Variants in ZNF865 observed in about 807,000 individuals in gnomAD.
ZNF865 encodes the protein zinc finger protein 865.
For synonymous variants in ZNF865, 763 were observed against 750.8 expected (o/e 1.02, Z -0.27); for missense variants, 1,311 against 1,593.4 (o/e 0.82, Z 3.02).
intron 1 of ZNF865, among the ~76,000 whole-genome samples, chr19:55,606,232 C>T (rs1356219193): frequency 6.6e-6 from 1 of 152,178 alleles, no homozygotes; most frequent in African/African-American, 2.4e-5. Context: ...GACCACCTCC[C>T]TCCCCAGCAG....
At chr19:55,608,830 A>G (rs560155791) in intron 1 of ZNF865, among the ~76,000 whole-genome samples, 6 of 152,280 alleles carry the variant, frequency 3.9e-5, no homozygotes, top group African/African-American at 7.2e-5. Context: ...TCAAGCCAAG[A>G]GACTTGGGAT....
intron 1 of ZNF865, among the ~76,000 whole-genome samples, chr19:55,608,464 G>A (rs932529762): frequency 1.3e-5 from 2 of 152,038 alleles, no homozygotes; most frequent in Non-Finnish European, 2.9e-5. Context: ...ACAGGCATGT[G>A]CCACCACGCC....
Position 55,613,677 on chromosome 19 carries a change from G to T in ZNF865, c.59G>T (p.Gly20Val). The T allele has an allele frequency of 1.3e-6, 2 of 1,532,370 alleles. No individual in the cohort carries two copies. Among genetic ancestry groups the T allele is most frequent in the Non-Finnish European group, 1.7e-6 (2 of 1,145,254 alleles). 94.9% of individuals were successfully genotyped at this position (1,532,370 alleles called of 1,614,324 possible). The change falls in exon 2 of 2, where the codon GGC (glycine) becomes GTC (valine). Residue 20 changes from glycine to valine, a missense_variant. Transcript: ENST00000568956. ...GGTGGCGGGAGCAGCGGCATCGGGG[G>T]CGAGGACGGGGTGCACTTCCAGAGC... ...AGGGGSSGIG[G>V]EDGVHFQSYP...
chr19:55,614,526 C>T lies in ZNF865; in HGVS notation c.908C>T (p.Ala303Val). 7.4e-7 allele frequency: 1 copy of T among 1,356,008 alleles called. No homozygotes were observed. The highest frequency in any genetic ancestry group is 9.4e-7 in the Non-Finnish European group (1 of 1,061,856). 84.0% of individuals were successfully genotyped at this position (1,356,008 alleles called of 1,614,324 possible). Residue 303 changes from alanine (A) to valine (V), a missense_variant, in exon 2 of 2, where the codon GCC becomes GTC. Ala to Val is a moderately conservative substitution (Grantham distance 64). Coordinates refer to ENST00000568956, the MANE Select transcript of ZNF865 (RefSeq NM_001195605.2). This position sits in a 1 kb window ranked among gnomAD's most constrained non-coding sequence, Gnocchi z 8.0. ...PLGLPAPAAS[A>V]ATAAAPSTVS... ...GGCCTCCCAGCACCCGCTGCCAGCGCCGCCACCGCCGCCGCCCCCTCCACG... is the reference window on the plus strand; with the variant it reads ...GGCCTCCCAGCACCCGCTGCCAGCGTCGCCACCGCCGCCGCCCCCTCCACG...
intron 1 of ZNF865, among the ~76,000 whole-genome samples, chr19:55,610,480 CGAA>C (rs1191544924): frequency 6.6e-6 from 1 of 152,180 alleles, no homozygotes; most frequent in Admixed American, 6.5e-5. Context: ...AGACTGGTGT[CGAA>C]CTCCTAACCT....
Position 55,614,466 on chromosome 19 carries a change from G to A in ZNF865, c.848G>A (p.Gly283Asp), listed in dbSNP as rs1307301126. The A allele has an allele frequency of 3.7e-5, 52 of 1,392,150 alleles. No individual in the cohort carries two copies. Among genetic ancestry groups the A allele is most frequent in the Middle Eastern group, 2.6e-4 (1 of 3,832 alleles). The allele number at this position is 1,392,150 out of a possible 1,614,324, so 86.2% of individuals were successfully genotyped here. A position where few individuals can be genotyped will look rare whatever the true frequency, so the allele number is the denominator to read the frequency against. ...AAGGACGTGCCACCGGCCGCGGGGG[G>A]CCCGCCCCAGCCCGGCCCCCACCTC... The part of the protein sequence containing the change: ...CHKDVPPAAG[G>D]PPQPGPHLPP... Residue 283 changes from glycine to aspartate, a missense_variant, in exon 2 of 2, where the codon GGC (glycine) becomes GAC (aspartate). By Grantham distance (94) the Gly-to-Asp change is moderately conservative. Transcript: ENST00000568956. The surrounding 1 kb of genome is among the most constrained non-coding windows in gnomAD (Gnocchi z 8.0).
intron 1 of ZNF865, among the ~76,000 whole-genome samples, chr19:55,606,799 CTG>C (rs1980960222): frequency 6.6e-6 from 1 of 152,254 alleles, no homozygotes; most frequent in South Asian, 2.1e-4. Context: ...AGTGTTCTCA[CTG>C]TGCGGGGTCT....
At chr19:55,609,100 CCT>C (rs1490158390) in intron 1 of ZNF865, among the ~76,000 whole-genome samples, 1 of 152,104 alleles carries the variant, frequency 6.6e-6, no homozygotes, top group Non-Finnish European at 1.5e-5. Context: ...CTCACTGCAA[CCT>C]CTGTGTCCTG....
At chr19:55,607,876 A>T (rs765586299) in intron 1 of ZNF865, among the ~76,000 whole-genome samples, 1 of 152,162 alleles carries the variant, frequency 6.6e-6, no homozygotes, top group African/African-American at 2.4e-5. Context: ...TCCTAGCCTC[A>T]TTCATTCACT....
At position 55,615,956 on chromosome 19, in the gene ZNF865, G is replaced by A; in HGVS notation, c.2338G>A (p.Gly780Ser). Residue 780 changes from glycine (G) to serine (S), a missense_variant, in exon 2 of 2, where the codon GGT becomes AGT. Physicochemically the swap from Gly to Ser is moderately conservative, Grantham distance 56. Transcript: ENST00000568956. ...GEDAGGAAVA[G>S]AGGGASSGPE... ...GGACGCAGGCGGGGCGGCGGTGGCA[G>A]GTGCTGGCGGGGGTGCCAGTTCCGG... The A allele has an allele frequency of 1.3e-6, 2 of 1,513,224 alleles. No individual in the cohort carries two copies. The allele number at this position is 1,513,224 out of a possible 1,614,324, so 93.7% of individuals were successfully genotyped here.
Position 55,615,521 on chromosome 19 carries a change from G to A in ZNF865, c.1903G>A (p.Ala635Thr). Residue 635 changes from alanine (A) to threonine (T), a missense_variant, in exon 2 of 2, where the codon GCC (alanine) becomes ACC (threonine). Physicochemically the swap from Ala to Thr is moderately conservative, Grantham distance 58. Coordinates refer to ENST00000568956, the MANE Select transcript of ZNF865 (RefSeq NM_001195605.2). ...GGTGCACCGGCTCCAGCTGCCCTGCGCCCTGGCCGGGGCAGCCGGCCTCCC... is the reference window on the plus strand; with the variant it reads ...GGTGCACCGGCTCCAGCTGCCCTGCACCCTGGCCGGGGCAGCCGGCCTCCC... ...RQVHRLQLPC[A>T]LAGAAGLPST... 6.6e-7 allele frequency: 1 copy of A among 1,506,648 alleles called. No homozygotes were observed. Among genetic ancestry groups the A allele is most frequent in the Non-Finnish European group, 8.8e-7 (1 of 1,133,684 alleles). 93.3% of individuals were successfully genotyped at this position (1,506,648 alleles called of 1,614,324 possible). A position where few individuals can be genotyped will look rare whatever the true frequency, so the allele number is the denominator to read the frequency against.
chr19:55,616,785 G>A lies in ZNF865; in HGVS notation c.3167G>A (p.Gly1056Glu), dbSNP rs1041530032. The A allele has an allele frequency of 1.7e-5, 25 of 1,444,166 alleles. No individual in the cohort carries two copies. The highest frequency in any genetic ancestry group is 4.3e-5 in the African/African-American group (3 of 69,462). The allele number at this position is 1,444,166 out of a possible 1,614,324, so 89.5% of individuals were successfully genotyped here. Reference sequence around the variant, plus strand: ...GGAGCAGGGGCGGGCACCTTGGCCGGGAAGGATGCCTGACCGAGGGGTTCC... The same window carrying A: ...GGAGCAGGGGCGGGCACCTTGGCCGAGAAGGATGCCTGACCGAGGGGTTCC... ...GPGAGAGTLA[G>E]KDA is the part of the protein sequence containing the mutation. Residue 1056 changes from glycine to glutamate, a missense_variant, in exon 2 of 2, where the codon GGG (glycine) becomes GAG (glutamate). By Grantham distance (98) the Gly-to-Glu change is moderately conservative (BLOSUM62 -2). Coordinates refer to ENST00000568956, the MANE Select transcript of ZNF865 (RefSeq NM_001195605.2).
At chr19:55,607,287 G>C (rs908908660) in intron 1 of ZNF865, among the ~76,000 whole-genome samples, 1 of 152,082 alleles carries the variant, frequency 6.6e-6, no homozygotes, top group Admixed American at 6.5e-5. Flanking sequence ...TATGCTAGTT[G>C]AGGGGGCAGA....
At chr19:55,606,275 A>C (rs1980938043) in intron 1 of ZNF865, among the ~76,000 whole-genome samples, 1 of 151,870 alleles carries the variant, frequency 6.6e-6, no homozygotes, top group South Asian at 2.1e-4. Context: ...AATACTTTCT[A>C]TTCTGGTCAG....
rs1197688433 is a variant in ZNF865 at position 55,611,547 on chromosome 19, A to G, written c.-26-2046A>G. Among the ~76,000 whole-genome samples, 1 of 152,132 alleles carries G rather than the reference A, an allele frequency of 6.6e-6. No homozygotes were observed. Among genetic ancestry groups the G allele is most frequent in the Admixed American group, 6.5e-5 (1 of 15,278 alleles). ...GGGGTGTGAAGGGCATGGGATGTTG[A>G]GTCTTGTCCAAGGACAAGGACACCC... On this transcript the variant is annotated intron_variant, in intron 1 of 1. Transcript: ENST00000568956. The surrounding 1 kb of genome is among the most constrained non-coding windows in gnomAD (Gnocchi z 4.5).
chr19:55,616,292 C>A lies in ZNF865; in HGVS notation c.2674C>A (p.Arg892=). 6.6e-7 allele frequency: 1 copy of A among 1,518,334 alleles called. No homozygotes were observed. The highest frequency in any genetic ancestry group is 8.8e-7 in the Non-Finnish European group (1 of 1,137,486). The allele number at this position is 1,518,334 out of a possible 1,614,324, so 94.1% of individuals were successfully genotyped here. Residue 892 remains arginine (R), a synonymous_variant, in exon 2 of 2, where the codon CGG becomes AGG. Transcript: ENST00000568956. The stretch of plus-strand genomic sequence containing the variant: ...AGGCTTCCTGCGCTCCTGGTACCTG[C>A]GGCAGCACCGCGTGGTGCACACTGG... ...GRGFLRSWYL[R]QHRVVHTGER...
chr19:55,614,433 G>T lies in ZNF865; in HGVS notation c.815G>T (p.Arg272Leu). The stretch of plus-strand genomic sequence containing the variant: ...GTGTCCAGCCTCATCCGCCACCGCC[G>T]CTGCCACAAGGACGTGCCACCGGCC... ...NHVSSLIRHR[R>L]CHKDVPPAAG... is the part of the protein sequence containing the mutation. The change falls in exon 2 of 2, where the codon CGC (arginine) becomes CTC (leucine). Residue 272 changes from arginine (R) to leucine (L), a missense_variant. Transcript: ENST00000568956. This position sits in a 1 kb window ranked among gnomAD's most constrained non-coding sequence, Gnocchi z 8.0. 1 of 1,452,994 alleles carries T rather than the reference G, an allele frequency of 6.9e-7. No individual in the cohort carries two copies. 90.0% of individuals were successfully genotyped at this position (1,452,994 alleles called of 1,614,324 possible).
At position 55,616,675 on chromosome 19, in the gene ZNF865, C is replaced by T; in HGVS notation, c.3057C>T (p.Cys1019=). ...AAHQGGRPFR[C]SSCGEGFANT... is the part of the protein sequence containing the mutation. ...ACCAGGGCGGCCGGCCCTTCCGCTG[C>T]TCCTCCTGCGGCGAGGGCTTCGCCA... The change falls in exon 2 of 2, where the codon TGC becomes TGT. Residue 1019 remains cysteine, a synonymous_variant. Transcript: ENST00000568956. 2.0e-6 allele frequency: 3 copies of T among 1,530,486 alleles called. No individual in the cohort carries two copies. Among genetic ancestry groups the T allele is most frequent in the South Asian group, 1.2e-5 (1 of 83,528 alleles). 94.8% of individuals were successfully genotyped at this position (1,530,486 alleles called of 1,614,324 possible).
chr19:55,610,983 C>T (rs1427482735), intron 1 of ZNF865, among the ~76,000 whole-genome samples: 1 of 152,122 alleles, frequency 6.6e-6, no homozygotes, highest in East Asian at 1.9e-4. Context: ...AGAAGACATC[C>T]CTAAATAAAG....
Sources: gnomAD v4.1 joint callset for allele counts (sites outside exome capture counted in the v4.1 genomes callset) on GRCh38, gnomAD v4.1.1 for gene constraint, Gnocchi (gnomAD v3.1) non-coding constraint, MANE v1.5 for transcripts, NCBI Gene and HGNC (gene_info 2026-07-23, HGNC 2026-07-21) for gene names.